OR14A2: variants seen among roughly 807,000 people sequenced by gnomAD.
OR14A2 encodes the protein olfactory receptor 14A2.
For synonymous variants in OR14A2, 114 were observed against 58.6 expected (o/e 1.95, Z -4.32); for missense variants, 237 against 152.9 (o/e 1.55, Z -2.90).
At chr1:247,733,549 C>A in the OR14A2 span, among the ~76,000 whole-genome samples, 1 of 152,112 alleles carries the variant, frequency 6.6e-6, no homozygotes, top group African/African-American at 2.4e-5. Context: ...CCTCACTCTC[C>A]CTATATAACA....
chr1:247,745,926 G>C, the OR14A2 span, among the ~76,000 whole-genome samples: 3 of 152,132 alleles, frequency 2.0e-5, no homozygotes, highest in African/African-American at 7.2e-5. Flanking sequence ...GTAAAGTGTT[G>C]TTCTTTCCAA....
the OR14A2 span, among the ~76,000 whole-genome samples, chr1:247,732,023 G>C: frequency 1.3e-5 from 2 of 151,928 alleles, no homozygotes; most frequent in African/African-American, 4.8e-5. Flanking sequence ...TTTCTTCATT[G>C]GTCTTGAACT....
the OR14A2 span, among the ~76,000 whole-genome samples, chr1:247,740,187 G>T: frequency 6.6e-6 from 1 of 152,134 alleles, no homozygotes; most frequent in African/African-American, 2.4e-5. Context: ...TCTTCAGTTA[G>T]TTTCTGCTTT....
At chr1:247,738,542 A>G in the OR14A2 span, 1 of 675,262 alleles carries the variant, frequency 1.5e-6, no homozygotes, top group Non-Finnish European at 2.7e-6. Flanking sequence ...AAATGAAGAA[A>G]CAAATGATAC....
At chr1:247,728,272 C>T (rs575760381), upstream of OR14A2, among the ~76,000 whole-genome samples, 1,696 of 152,190 alleles carry the variant, frequency 0.011, 36 homozygotes, top group African/African-American at 0.038. Flanking sequence ...GTTCAATATA[C>T]GCAAATCAAT....
At chr1:247,735,746 A>G in the OR14A2 span, among the ~76,000 whole-genome samples, 3 of 152,194 alleles carry the variant, frequency 2.0e-5, no homozygotes, top group African/African-American at 4.8e-5. Context: ...CGTAGAGGAC[A>G]GAAATGGTCA....
chr1:247,723,263 G>A (rs1012773497), exon 1 of OR14A2: 8 of 717,644 alleles, frequency 1.1e-5, no homozygotes, highest in Middle Eastern at 4.6e-4. Flanking sequence ...GAATTTGAAG[G>A]TGGCTTAAGA....
upstream of OR14A2, among the ~76,000 whole-genome samples, chr1:247,727,785 C>G (rs1483521254): frequency 6.7e-6 from 1 of 149,436 alleles, no homozygotes; most frequent in Non-Finnish European, 1.5e-5. Context: ...TCAGAGAATA[C>G]TATAAACACC....
exon 1 of OR14A2, chr1:247,723,863 G>A: frequency 2.8e-6 from 2 of 717,718 alleles, no homozygotes; most frequent in Non-Finnish European, 5.2e-6. Flanking sequence ...AAGTTCTTCA[G>A]GAAGAAGTAC....
At chr1:247,732,366 T>C in the OR14A2 span, among the ~76,000 whole-genome samples, 2 of 152,152 alleles carry the variant, frequency 1.3e-5, no homozygotes, top group African/African-American at 4.8e-5. Context: ...GAAACTAAAA[T>C]GGTCAAGCGC....
exon 1 of OR14A2, chr1:247,723,920 G>A (rs948366846): frequency 1.4e-6 from 1 of 717,082 alleles, no homozygotes; most frequent in Non-Finnish European, 2.6e-6. Context: ...GTAATGATGA[G>A]AAGGTTACTC....
the OR14A2 span, among the ~76,000 whole-genome samples, chr1:247,743,569 T>G: frequency 2.0e-5 from 3 of 152,238 alleles, no homozygotes; most frequent in African/African-American, 7.2e-5. Flanking sequence ...CAGGGATGTT[T>G]CATTATGTAT....
At chr1:247,740,437 A>G in the OR14A2 span, among the ~76,000 whole-genome samples, 1 of 152,236 alleles carries the variant, frequency 6.6e-6, no homozygotes, top group Non-Finnish European at 1.5e-5. Context: ...TAGATTTTAT[A>G]CAATTACCCA....
chr1:247,744,331 G>A, the OR14A2 span, among the ~76,000 whole-genome samples: 3 of 152,092 alleles, frequency 2.0e-5, no homozygotes, highest in East Asian at 1.9e-4. The surrounding 1 kb of genome is among the most constrained non-coding windows in gnomAD (Gnocchi z 4.3). Context: ...ATGTAATCAC[G>A]TTAAATCTGT....
the OR14A2 span, among the ~76,000 whole-genome samples, chr1:247,745,067 C>T: frequency 3.1e-3 from 475 of 152,110 alleles, 6 homozygotes; most frequent in Admixed American, 3.9e-3. Context: ...CACTTCAATG[C>T]GTTTCTTGGC....
the OR14A2 span, chr1:247,746,960 T>C: frequency 6.6e-6 from 1 of 152,204 alleles, no homozygotes; most frequent in Non-Finnish European, 1.5e-5. Flanking sequence ...GGATCTGACC[T>C]CTTAGATACT....
At chr1:247,739,042 T>A in the OR14A2 span, 1 of 780,814 alleles carries the variant, frequency 1.3e-6, no homozygotes, top group Non-Finnish European at 2.4e-6. Context: ...GTCCAGTTGA[T>A]GGCTCTGTCC....
chr1:247,744,504 G>C, the OR14A2 span, among the ~76,000 whole-genome samples: 1 of 152,160 alleles, frequency 6.6e-6, no homozygotes, highest in Admixed American at 6.5e-5. The surrounding 1 kb of genome is among the most constrained non-coding windows in gnomAD (Gnocchi z 4.3). Flanking sequence ...GGTTAGGGTC[G>C]AATTCTCTGA....
chr1:247,731,033 C>A, the OR14A2 span, among the ~76,000 whole-genome samples: 3 of 152,054 alleles, frequency 2.0e-5, no homozygotes, highest in Non-Finnish European at 4.4e-5. Context: ...CTATCATAGC[C>A]CATATATGAC....
Sources: gnomAD v4.1 joint callset for allele counts (sites outside exome capture counted in the v4.1 genomes callset) on GRCh38, gnomAD v4.1.1 for gene constraint, Gnocchi (gnomAD v3.1) non-coding constraint, MANE v1.5 for transcripts, NCBI Gene and HGNC (gene_info 2026-07-23, HGNC 2026-07-21) for gene names.